KYNU: variants seen among roughly 807,000 people sequenced by gnomAD.
KYNU encodes L-kynurenine hydrolase.
Under a neutral mutation model 59.2 loss-of-function variants are expected in KYNU, and 54 were observed. The observed-to-expected ratio is 0.91, with a 90% confidence interval of 0.73 to 1.14. KYNU has a LOEUF of 1.14. Ranked by LOEUF, KYNU falls within the 50% of genes most tolerant of loss-of-function variation. KYNU has a pLI of 0.00. For synonymous variants in KYNU, 177 were observed against 192.0 expected (o/e 0.92, Z 0.65); for missense variants, 567 against 554.4 (o/e 1.02, Z -0.23).
chr2:143,041,112 G>C (rs1160140350), intron 13 of KYNU, among the ~76,000 whole-genome samples: 1 of 151,914 alleles, frequency 6.6e-6, no homozygotes, highest in Non-Finnish European at 1.5e-5. Context: ...TGTCAAAAAA[G>C]ATATATATAC....
intron 8 of KYNU, among the ~76,000 whole-genome samples, chr2:142,966,464 A>G (rs62169908): frequency 0.034 from 5,168 of 152,316 alleles, 137 homozygotes; most frequent in African/African-American, 0.071. Flanking sequence ...CACTCAGTCC[A>G]TGACCTTTTC....
intron 10 of KYNU, among the ~76,000 whole-genome samples, chr2:143,027,969 A>G (rs1238198291): frequency 1.3e-5 from 2 of 152,044 alleles, no homozygotes; most frequent in Non-Finnish European, 2.9e-5. Flanking sequence ...ATTACAAGAT[A>G]ATATAGCATA....
intron 8 of KYNU, chr2:142,967,325 T>A (rs1339464916): frequency 6.6e-6 from 1 of 152,116 alleles, no homozygotes; most frequent in Admixed American, 6.6e-5. Context: ...TTACTAAAAG[T>A]TGAATGCAAA....
At chr2:143,023,818 G>A (rs1264795585) in intron 10 of KYNU, among the ~76,000 whole-genome samples, 3 of 151,118 alleles carry the variant, frequency 2.0e-5, no homozygotes, top group Non-Finnish European at 4.4e-5. Context: ...CAAAAAAAAA[G>A]CAAATCATCT....
intron 2 of KYNU, among the ~76,000 whole-genome samples, chr2:142,914,748 C>T (rs1437085317): frequency 2.0e-5 from 3 of 152,060 alleles, no homozygotes; most frequent in African/African-American, 4.8e-5. Flanking sequence ...GAGCTATGTC[C>T]GTATAAGATG....
At chr2:142,977,715 G>A (rs1684934277) in intron 8 of KYNU, among the ~76,000 whole-genome samples, 1 of 151,966 alleles carries the variant, frequency 6.6e-6, no homozygotes, top group Non-Finnish European at 1.5e-5. Flanking sequence ...AATAATTTTT[G>A]GAAAGGAATT....
chr2:142,887,020 A>C (rs986252352), intron 2 of KYNU, among the ~76,000 whole-genome samples: 4 of 152,084 alleles, frequency 2.6e-5, no homozygotes, highest in African/African-American at 9.7e-5. Flanking sequence ...ACTACAAAAA[A>C]TTAGCCGGGC....
chr2:142,931,867 G>A (rs1683230547), intron 4 of KYNU, among the ~76,000 whole-genome samples: 1 of 152,186 alleles, frequency 6.6e-6, no homozygotes, highest in Non-Finnish European at 1.5e-5. Context: ...CTGTTATTGG[G>A]CTGGATGGAT....
At chr2:142,964,344 G>T (rs577038630) in intron 8 of KYNU, among the ~76,000 whole-genome samples, 1 of 152,018 alleles carries the variant, frequency 6.6e-6, no homozygotes, top group Non-Finnish European at 1.5e-5. Context: ...TAAGGTATTT[G>T]TATATTTATT....
At chr2:142,964,454 G>A (rs1684466504) in intron 8 of KYNU, among the ~76,000 whole-genome samples, 1 of 152,078 alleles carries the variant, frequency 6.6e-6, no homozygotes, top group Admixed American at 6.6e-5. Flanking sequence ...ACTGTTTTCA[G>A]TCTTTATAAT....
intron 10 of KYNU, among the ~76,000 whole-genome samples, chr2:143,006,244 G>A (rs867477368): frequency 6.6e-6 from 1 of 152,102 alleles, no homozygotes. Flanking sequence ...CCTCACCTGG[G>A]AAGCGCAAGG....
intron 2 of KYNU, among the ~76,000 whole-genome samples, chr2:142,891,509 G>C (rs1421517593): frequency 6.6e-6 from 1 of 152,158 alleles, no homozygotes; most frequent in Non-Finnish European, 1.5e-5. Flanking sequence ...ACTTTAGTAA[G>C]TACTTATAAA....
At chr2:142,979,830 C>T (rs1002750495) in intron 8 of KYNU, among the ~76,000 whole-genome samples, 1 of 152,024 alleles carries the variant, frequency 6.6e-6, no homozygotes, top group African/African-American at 2.4e-5. Flanking sequence ...CAGAAAAGGG[C>T]TCCCAATCCA....
chr2:142,938,740 G>A (rs977246920), intron 4 of KYNU, among the ~76,000 whole-genome samples: 1 of 151,972 alleles, frequency 6.6e-6, no homozygotes, highest in Non-Finnish European at 1.5e-5. Flanking sequence ...CATCCATGTT[G>A]TGTGGAAAAT....
chr2:142,908,604 C>A (rs908997238), intron 2 of KYNU, among the ~76,000 whole-genome samples: 3 of 151,824 alleles, frequency 2.0e-5, no homozygotes, highest in African/African-American at 7.3e-5. Flanking sequence ...ATGTGATAGA[C>A]CAGTATCTAA....
In KYNU at chr2:142,956,184, TA is replaced by T; in HGVS notation, c.436-16del. The T allele has an allele frequency of 7.1e-7, 1 of 1,398,762 alleles. No homozygotes were observed. The highest frequency in any genetic ancestry group is 1.0e-6 in the Non-Finnish European group (1 of 986,096). The allele number at this position is 1,398,762 out of a possible 1,614,324, so 86.6% of individuals were successfully genotyped here. A position where few individuals can be genotyped will look rare whatever the true frequency, so the allele number is the denominator to read the frequency against. The stretch of plus-strand genomic sequence containing the variant: ...AAATTGTGTATTAATGCTTTCTCAA[TA>T]AATCCATTTTATTGCAGTTATCATT... On this transcript the variant is annotated intron_variant, in intron 5 of 13. Coordinates refer to ENST00000264170, the MANE Select transcript of KYNU (RefSeq NM_003937.3).
At chr2:142,943,817 T>C (rs1683686184) in intron 4 of KYNU, among the ~76,000 whole-genome samples, 1 of 152,214 alleles carries the variant, frequency 6.6e-6, no homozygotes, top group Non-Finnish European at 1.5e-5. Flanking sequence ...TGAAATTTGT[T>C]ACTTGAAAAA....
intron 3 of KYNU, among the ~76,000 whole-genome samples, chr2:142,924,924 G>A (rs1478252238): frequency 1.3e-5 from 2 of 152,242 alleles, no homozygotes; most frequent in Non-Finnish European, 1.5e-5. Flanking sequence ...ACTACCCCAG[G>A]CTAGTGGGCT....
intron 8 of KYNU, among the ~76,000 whole-genome samples, chr2:142,961,827 C>G (rs1182665354): frequency 1.3e-5 from 2 of 152,104 alleles, no homozygotes; most frequent in Non-Finnish European, 1.5e-5. Flanking sequence ...ATTCAGCAAT[C>G]AAGCCATGTA....
Sources: allele counts gnomAD v4.1 joint callset (sites outside exome capture counted in the v4.1 genomes callset), GRCh38; gene constraint gnomAD v4.1.1; transcripts MANE v1.5; gene names NCBI Gene and HGNC (gene_info 2026-07-23, HGNC 2026-07-21).